UNC5C: variants seen among roughly 807,000 people sequenced by gnomAD.
UNC5C encodes the protein netrin receptor UNC5C.
Under a neutral mutation model 99.8 loss-of-function variants are expected in UNC5C, and 47 were observed. That is an observed-to-expected ratio of 0.47 (90% CI 0.37 to 0.60). UNC5C has a LOEUF of 0.60. Ranked by LOEUF, UNC5C falls within the 20% of genes least tolerant of loss-of-function variation. UNC5C has a pLI of 0.00. For missense variants in UNC5C, 1,062 were observed against 1,165.9 expected, an observed-to-expected ratio of 0.91 and a Z score of 1.30; for synonymous variants, 487 against 452.2, an observed-to-expected ratio of 1.08 and a Z score of -0.98.
intron 1 of UNC5C, among the ~76,000 whole-genome samples, chr4:95,472,916 A>G (rs1401218693): frequency 2.6e-5 from 4 of 152,008 alleles, no homozygotes; most frequent in African/African-American, 9.7e-5. Flanking sequence ...TAAAAAAAAA[A>G]AAATGTGTTC....
chr4:95,450,348 T>A (rs773323930), intron 1 of UNC5C, among the ~76,000 whole-genome samples: 1 of 152,178 alleles, frequency 6.6e-6, no homozygotes, highest in Non-Finnish European at 1.5e-5. Context: ...GCCTCCTGAG[T>A]AGCTGGGACT....
intron 1 of UNC5C, among the ~76,000 whole-genome samples, chr4:95,490,756 G>A (rs17024066): frequency 0.087 from 13,180 of 151,712 alleles, 617 homozygotes; most frequent in African/African-American, 0.1. Flanking sequence ...TTTTTCACTT[G>A]TGCTAAAGGA....
chr4:95,214,811 A>G (rs571846203), intron 10 of UNC5C, among the ~76,000 whole-genome samples: 1 of 152,372 alleles, frequency 6.6e-6, no homozygotes, highest in South Asian at 2.1e-4. Flanking sequence ...AAAATAAAAT[A>G]AAATAAAGAG....
At chr4:95,403,680 CTCTA>C (rs1461039360) in intron 1 of UNC5C, among the ~76,000 whole-genome samples, 1 of 152,208 alleles carries the variant, frequency 6.6e-6, no homozygotes, top group African/African-American at 2.4e-5. Context: ...CTTTGTCCAT[CTCTA>C]TCTGGCTTAC....
Position 95,548,744 on chromosome 4 carries a change from G to A in UNC5C, c.114C>T (p.Ser38=), listed in dbSNP as rs768287826. 4.3e-6 allele frequency: 7 copies of A among 1,612,678 alleles called. No individual in the cohort carries two copies. The highest frequency in any genetic ancestry group is 5.9e-6 in the Non-Finnish European group (7 of 1,179,482). Residue 38 remains serine (S), a synonymous_variant, in exon 1 of 16, where the codon TCC becomes TCT. Coordinates refer to ENST00000453304, the MANE Select transcript of UNC5C (RefSeq NM_003728.4). ...GGCGGACCCCCTTACCTTGGGCGGC[G>A]GAGCCAGTGCCGCTGGCGCTGAGCA... ...LALLSASGTG[S]AAQDDDFFHE...
chr4:95,286,629 C>G (rs1169684438), intron 3 of UNC5C, among the ~76,000 whole-genome samples: 1 of 152,188 alleles, frequency 6.6e-6, no homozygotes, highest in Non-Finnish European at 1.5e-5. Flanking sequence ...AGGGGCCATT[C>G]AGGTAACAAA....
intron 1 of UNC5C, among the ~76,000 whole-genome samples, chr4:95,545,185 A>T (rs1002191548): frequency 6.6e-6 from 1 of 152,202 alleles, no homozygotes; most frequent in Non-Finnish European, 1.5e-5. Context: ...ACCCTGTCTT[A>T]TTTAACTCTT....
In UNC5C at chr4:95,487,735, C is replaced by T. The variant is rs373745301; in HGVS notation, c.124+60999G>A. ...TTGGGGTCTAAATTAAGAAAATACACGTAAGTTTCATACAGCATAATTTAG... is the reference window on the plus strand; with the variant it reads ...TTGGGGTCTAAATTAAGAAAATACATGTAAGTTTCATACAGCATAATTTAG... On this transcript the variant is annotated intron_variant, in intron 1 of 15. Coordinates refer to ENST00000453304, the MANE Select transcript of UNC5C (RefSeq NM_003728.4). 7.3e-5 allele frequency among the ~76,000 whole-genome samples: 11 copies of T among 151,614 alleles called. No homozygotes were observed. In the South Asian group the frequency reaches 8.3e-4, roughly 11 times the overall value.
chr4:95,307,177 A>G lies in UNC5C; in HGVS notation c.347-5428T>C, dbSNP rs555037663. Among the ~76,000 whole-genome samples, 949 of 152,190 alleles carry G rather than the reference A, an allele frequency of 6.2e-3. 6 individuals are homozygous for G. Among genetic ancestry groups the G allele is most frequent in the African/African-American group, 0.021 (890 of 41,552 alleles). ...TTCATGTGTTACATGAAGTCACTTA[A>G]CAATCTTTAACTACTATAGCAGGAA... is the stretch of plus-strand genomic sequence containing the variant. On this transcript the variant is annotated intron_variant, in intron 2 of 15. Transcript: ENST00000453304.
chr4:95,424,507 TTTTTTC>T, intron 1 of UNC5C, among the ~76,000 whole-genome samples: 1 of 145,294 alleles, frequency 6.9e-6, no homozygotes, highest in African/African-American at 2.6e-5. Flanking sequence ...TCAGAATTTT[TTTTTTC>T]TTTTCTTTTT....
chr4:95,379,101 A>G (rs925470756), intron 1 of UNC5C, among the ~76,000 whole-genome samples: 3 of 152,178 alleles, frequency 2.0e-5, no homozygotes, highest in African/African-American at 7.2e-5. Context: ...AGGAAGGATA[A>G]CTGGGGCGAG....
Position 95,343,210 on chromosome 4 carries a change from G to A in UNC5C, c.125-7579C>T, listed in dbSNP as rs371342822. Among the ~76,000 whole-genome samples the A allele has an allele frequency of 1.8e-3, 280 of 152,246 alleles. 1 individual carries two copies. Among genetic ancestry groups the A allele is most frequent in the African/African-American group, 6.1e-3 (253 of 41,566 alleles). On this transcript the variant is annotated intron_variant, in intron 1 of 15. Coordinates refer to ENST00000453304, the MANE Select transcript of UNC5C (RefSeq NM_003728.4). ...TACCATGGGCCTTGGGTGAGACTCA[G>A]TACTGTGCTGGATTCAGGTCTGACC... is the stretch of plus-strand genomic sequence containing the variant.
At chr4:95,317,110 C>G (rs1742505299) in intron 2 of UNC5C, among the ~76,000 whole-genome samples, 1 of 152,080 alleles carries the variant, frequency 6.6e-6, no homozygotes, top group South Asian at 2.1e-4. Context: ...CAAAGGAAAT[C>G]TCTGCACTTT....
intron 1 of UNC5C, among the ~76,000 whole-genome samples, chr4:95,395,587 T>C (rs922821798): frequency 3.9e-5 from 6 of 152,172 alleles, no homozygotes; most frequent in African/African-American, 9.7e-5. Flanking sequence ...AAAAAATATA[T>C]GCTGCTCTAA....
At chr4:95,228,624 A>G (rs1012616806) in intron 7 of UNC5C, among the ~76,000 whole-genome samples, 2 of 152,184 alleles carry the variant, frequency 1.3e-5, no homozygotes, top group African/African-American at 2.4e-5. Context: ...CTCAGGCTAC[A>G]CCTCCACCGT....
At chr4:95,193,267 TG>T (rs1162425600) in intron 12 of UNC5C, among the ~76,000 whole-genome samples, 1 of 152,134 alleles carries the variant, frequency 6.6e-6, no homozygotes, top group East Asian at 1.9e-4. Context: ...GATCGCTACA[TG>T]GAGAGGACAG....
chr4:95,202,185 G>T (rs1375183688), intron 12 of UNC5C, among the ~76,000 whole-genome samples: 5 of 152,204 alleles, frequency 3.3e-5, no homozygotes, highest in Non-Finnish European at 5.9e-5. Flanking sequence ...TATATCATAA[G>T]TTCTTCAAAG....
At chr4:95,309,140 C>T (rs1321701332) in intron 2 of UNC5C, among the ~76,000 whole-genome samples, 2 of 152,046 alleles carry the variant, frequency 1.3e-5, no homozygotes, top group Non-Finnish European at 2.9e-5. Flanking sequence ...TGTTTATGGT[C>T]AATTGATTTT....
At chr4:95,233,235 C>A (rs1738980372) in intron 7 of UNC5C, among the ~76,000 whole-genome samples, 1 of 152,104 alleles carries the variant, frequency 6.6e-6, no homozygotes, top group African/African-American at 2.4e-5. Context: ...GCTAACTTTG[C>A]AGAATGCCTA....
Sources: gnomAD v4.1 joint callset for allele counts (sites outside exome capture counted in the v4.1 genomes callset) on GRCh38, gnomAD v4.1.1 for gene constraint, MANE v1.5 for transcripts, NCBI Gene and HGNC (gene_info 2026-07-23, HGNC 2026-07-21) for gene names.